PPP1R13B: variants seen among roughly 807,000 people sequenced by gnomAD.
PPP1R13B encodes the protein apoptosis-stimulating of p53 protein 1.
In PPP1R13B, 44 loss-of-function variants were observed where a neutral mutation model predicts 119.8. The observed-to-expected ratio is 0.37, with a 90% CI of 0.29 to 0.47. The LOEUF is 0.47. Among genes scored for constraint, PPP1R13B ranks in the 20% least tolerant of loss-of-function variants. PPP1R13B has a pLI of 0.99. For synonymous variants in PPP1R13B, 542 were observed against 561.5 expected (o/e 0.97, Z 0.49); for missense variants, 1,227 against 1,413.5 (o/e 0.87, Z 2.12).
At chr14:103,778,310 G>GGAGT (rs2085258620) in intron 4 of PPP1R13B, among the ~76,000 whole-genome samples, 1 of 130,404 alleles carries the variant, frequency 7.7e-6, no homozygotes, top group Admixed American at 8.7e-5. Context: ...TGCCCAAGCT[G>GGAGT]GAGTACAGTG....
At chr14:103,829,502 C>A (rs1326906277) in intron 1 of PPP1R13B, among the ~76,000 whole-genome samples, 2 of 152,172 alleles carry the variant, frequency 1.3e-5, no homozygotes, top group African/African-American at 2.4e-5. Context: ...CCTCAAGCAA[C>A]CCTCCTGCCT....
chr14:103,758,396 G>A (rs951398774), intron 4 of PPP1R13B, among the ~76,000 whole-genome samples: 2 of 152,154 alleles, frequency 1.3e-5, no homozygotes, highest in Non-Finnish European at 2.9e-5. Flanking sequence ...TGACCAATGA[G>A]GTGGGTACTG....
intron 2 of PPP1R13B, among the ~76,000 whole-genome samples, chr14:103,794,124 T>C (rs2085696249): frequency 6.6e-6 from 1 of 152,144 alleles, no homozygotes; most frequent in Non-Finnish European, 1.5e-5. Context: ...ACTTCTGGCC[T>C]CCATCACTGT....
intron 1 of PPP1R13B, among the ~76,000 whole-genome samples, chr14:103,815,290 C>A (rs557529734): frequency 6.6e-6 from 1 of 151,982 alleles, no homozygotes; most frequent in South Asian, 2.1e-4. Context: ...AAGGAGAGAG[C>A]GGGAGTGACT....
intron 1 of PPP1R13B, among the ~76,000 whole-genome samples, chr14:103,823,661 C>A (rs753349589): frequency 5.3e-5 from 8 of 152,172 alleles, no homozygotes; most frequent in Non-Finnish European, 1.0e-4. Flanking sequence ...AGTCTTCCTC[C>A]TCCTTGACTG....
rs549242361 is a variant in PPP1R13B, at chr14:103,808,646, T to C, written c.10-11128A>G. Among the ~76,000 whole-genome samples, 13 of 152,172 alleles carry C rather than the reference T, an allele frequency of 8.5e-5. No individual in the cohort carries two copies. The East Asian group carries it at 1.5e-3, about 18-fold the overall frequency. ...TGAGTTCAGCACTACCCCCTTCCCC[T>C]GACACAAATTTTAGGGATGAAGAAT... On this transcript the variant is annotated intron_variant, in intron 1 of 16. Transcript: ENST00000202556.
chr14:103,744,373 G>A (rs567199516), intron 9 of PPP1R13B, among the ~76,000 whole-genome samples: 2 of 152,204 alleles, frequency 1.3e-5, no homozygotes, highest in Non-Finnish European at 2.9e-5. Context: ...CAAAACCCGC[G>A]CTACGCCAGC....
At chr14:103,759,816 G>C (rs1285935564) in intron 4 of PPP1R13B, among the ~76,000 whole-genome samples, 1 of 152,124 alleles carries the variant, frequency 6.6e-6, no homozygotes, top group Non-Finnish European at 1.5e-5. Flanking sequence ...GAATAAGATA[G>C]AGCTTATTAA....
At chr14:103,736,412 CCTTT>C (rs2084113889) in intron 15 of PPP1R13B, 1 of 602,250 alleles carries the variant, frequency 1.7e-6, no homozygotes, top group South Asian at 2.0e-5. Context: ...TGCTGCCGGC[CCTTT>C]CTAAGTCCTG....
At position 103,735,127 on chromosome 14, in the gene PPP1R13B, A is replaced by C. The variant is rs2084062294; in HGVS notation, c.*27T>G. On this transcript the variant is annotated 3_prime_UTR_variant, in exon 17 of 17. Coordinates refer to ENST00000202556, the MANE Select transcript of PPP1R13B (RefSeq NM_015316.3). ...CTTAAGTGGCTCCTGGTAGCTGGCA[A>C]GACCATGCGGTGCTCCAAAAGGAAG... 2 of 1,613,790 alleles carry C rather than the reference A, an allele frequency of 1.2e-6. No homozygotes were observed. Among genetic ancestry groups the C allele is most frequent in the Non-Finnish European group, 1.7e-6 (2 of 1,179,798 alleles).
At chr14:103,777,812 A>AC (rs1029221024) in intron 4 of PPP1R13B, among the ~76,000 whole-genome samples, 1 of 151,642 alleles carries the variant, frequency 6.6e-6, no homozygotes, top group African/African-American at 2.4e-5. Context: ...AAAAAAAAAA[A>AC]AAAACAGGGT....
intron 8 of PPP1R13B, among the ~76,000 whole-genome samples, chr14:103,749,582 C>A (rs1243242154): frequency 6.6e-6 from 1 of 152,216 alleles, no homozygotes; most frequent in African/African-American, 2.4e-5. Context: ...GAGAGCAAGG[C>A]TGCAGGCTGA....
intron 7 of PPP1R13B, among the ~76,000 whole-genome samples, chr14:103,750,932 G>C (rs2151977954): frequency 6.6e-6 from 1 of 151,166 alleles, no homozygotes; most frequent in Non-Finnish European, 1.5e-5. Context: ...AAGGTAGGCA[G>C]ATCACGAGGT....
intron 2 of PPP1R13B, among the ~76,000 whole-genome samples, chr14:103,787,118 T>A (rs1261191958): frequency 6.6e-6 from 1 of 151,930 alleles, no homozygotes; most frequent in African/African-American, 2.4e-5. Flanking sequence ...CTGCCCAAAG[T>A]GCTGGGATTG....
chr14:103,746,676 T>C (rs2084393870), intron 8 of PPP1R13B, 123 bp from the exon 9 acceptor site: 1 of 806,012 alleles, frequency 1.2e-6, no homozygotes, highest in Non-Finnish European at 1.9e-6. Flanking sequence ...TTAGGAAGCC[T>C]GTCATCTGGA....
chr14:103,761,618 C>T (rs933409167), intron 4 of PPP1R13B, among the ~76,000 whole-genome samples: 4 of 151,970 alleles, frequency 2.6e-5, no homozygotes, highest in Non-Finnish European at 5.9e-5. Context: ...AAAAAATTAG[C>T]CGGGCATGGT....
intron 2 of PPP1R13B, among the ~76,000 whole-genome samples, chr14:103,791,125 T>TTC (rs201279919): frequency 8.3e-4 from 117 of 140,832 alleles, no homozygotes; most frequent in Middle Eastern, 3.6e-3. Flanking sequence ...TTTTTTCTTC[T>TTC]TTTTTTTTTT....
chr14:103,797,195 C>T, intron 2 of PPP1R13B, 176 bp downstream of exon 2: 1 of 517,476 alleles, frequency 1.9e-6, no homozygotes. Flanking sequence ...TTTATTACCA[C>T]AGATAACTAA....
chr14:103,808,020 C>T (rs1420209428), intron 1 of PPP1R13B, among the ~76,000 whole-genome samples: 1 of 151,924 alleles, frequency 6.6e-6, no homozygotes, highest in Non-Finnish European at 1.5e-5. Context: ...GTAGACAGAT[C>T]ATTTGAGGTC....
Sources: gnomAD v4.1 joint callset for allele counts (sites outside exome capture counted in the v4.1 genomes callset) on GRCh38, gnomAD v4.1.1 for gene constraint, MANE v1.5 for transcripts, NCBI Gene and HGNC (gene_info 2026-07-23, HGNC 2026-07-21) for gene names.